The following PM20D2 variants were observed in gnomAD, a reference collection of about 807,000 sequenced individuals.
The protein encoded by PM20D2 is xaa-Arg dipeptidase.
In PM20D2, 33 loss-of-function variants were observed where a neutral mutation model predicts 42.9. The ratio of observed to expected loss-of-function variants is 0.77; its 90% CI spans 0.58 to 1.03. The LOEUF (loss-of-function observed/expected upper bound fraction) is 1.03, where lower values mean the gene tolerates loss of function less well. PM20D2 is among the 50% of genes least tolerant of loss of function. The probability of loss-of-function intolerance (pLI) is 0.00; values close to 1 mark genes in which losing one functional copy is unlikely to be tolerated. For synonymous variants in PM20D2, 250 were observed against 228.2 expected, an observed-to-expected ratio of 1.10 and a Z score of -0.86; for missense variants, 548 against 557.0, an observed-to-expected ratio of 0.98 and a Z score of 0.16.
At chr6:89,098,383 A>C in the PM20D2 span, 1 of 575,006 alleles carries the variant, frequency 1.7e-6, no homozygotes, top group Non-Finnish European at 2.8e-6. Context: ...TAGACAAATC[A>C]TAATTTGTAG....
chr6:89,106,972 C>T, the PM20D2 span: 1 of 655,240 alleles, frequency 1.5e-6, no homozygotes, highest in Admixed American at 2.1e-5. Context: ...TTCTAGCTAA[C>T]AGGTTGGTTC....
rs985274850 is a variant in PM20D2, at chr6:89,158,590, T to G, written c.1048+130T>G. The G allele has an allele frequency of 5.8e-6, 6 of 1,027,504 alleles. No individual in the cohort carries two copies. In the African/African-American group the frequency reaches 6.7e-5, roughly 11 times the overall value. The allele number at this position is 1,027,504 out of a possible 1,614,324, so 63.6% of individuals were successfully genotyped here. A position where few individuals can be genotyped will look rare whatever the true frequency, so the allele number is the denominator to read the frequency against. ...GACGTTTTTAATATTTTCACAAACTTTATGGTTAGGGGAAAGAAACTAATG... is the reference window on the plus strand; with the variant it reads ...GACGTTTTTAATATTTTCACAAACTGTATGGTTAGGGGAAAGAAACTAATG... On this transcript the variant is annotated intron_variant, in intron 5 of 6. Coordinates refer to ENST00000275072, the MANE Select transcript of PM20D2 (RefSeq NM_001010853.3).
chr6:89,136,006 G>A, the PM20D2 span, among the ~76,000 whole-genome samples: 1 of 151,292 alleles, frequency 6.6e-6, no homozygotes, highest in South Asian at 2.1e-4. Flanking sequence ...CGGATGCCAG[G>A]TAAGTTGCCA....
Position 89,154,750 on chromosome 6 carries a change from A to G in PM20D2, c.760A>G (p.Ile254Val). The part of the protein sequence containing the change: ...QMKPTWRVHG[I>V]IKNGGVKPNI... ...TAGTAATTTGGTTCTTTTTATAGGT[A>G]TAATAAAAAATGGTGGTGTAAAACC... The change falls in exon 4 of 7, where the codon ATA (isoleucine) becomes GTA (valine). Residue 254 changes from isoleucine (I) to valine (V), a missense_variant and splice_region_variant. By Grantham distance (29) the Ile-to-Val change is conservative. This residue lies in a region of PM20D2 where 470 missense variants were observed against 464.4 expected (regional missense o/e 1.01). Transcript: ENST00000275072. The G allele has an allele frequency of 1.1e-5, 17 of 1,524,648 alleles. No homozygotes were observed. The highest frequency in any genetic ancestry group is 1.4e-5 in the Non-Finnish European group (16 of 1,131,380). The allele number at this position is 1,524,648 out of a possible 1,614,324, so 94.4% of individuals were successfully genotyped here. A position where few individuals can be genotyped will look rare whatever the true frequency, so the allele number is the denominator to read the frequency against.
chr6:89,161,180 T>G (rs1771220884), intron 5 of PM20D2, among the ~76,000 whole-genome samples: 1 of 152,102 alleles, frequency 6.6e-6, no homozygotes, highest in Non-Finnish European at 1.5e-5. Flanking sequence ...GATCATGAGT[T>G]TGACTTTAGA....
the PM20D2 span, among the ~76,000 whole-genome samples, chr6:89,102,691 C>T: frequency 1.3e-5 from 2 of 152,174 alleles, no homozygotes; most frequent in Admixed American, 6.6e-5. Flanking sequence ...CTAACATACA[C>T]ATTCCTTGAT....
At chr6:89,117,739 C>T in the PM20D2 span, 1 of 1,365,530 alleles carries the variant, frequency 7.3e-7, no homozygotes, top group East Asian at 3.1e-5. Context: ...CCCCGAGCCT[C>T]CGCCGGGCCT....
chr6:89,150,481 C>G (rs1770791246), intron 2 of PM20D2, among the ~76,000 whole-genome samples: 1 of 151,578 alleles, frequency 6.6e-6, no homozygotes, highest in South Asian at 2.1e-4. Flanking sequence ...CGCACTTGAC[C>G]CCAGACCTTC....
At chr6:89,105,312 A>G in the PM20D2 span, 2 of 1,575,024 alleles carry the variant, frequency 1.3e-6, no homozygotes, top group East Asian at 4.5e-5. Flanking sequence ...TGAACACCAC[A>G]GTAACAACCA....
At chr6:89,121,354 C>T in the PM20D2 span, among the ~76,000 whole-genome samples, 1 of 152,058 alleles carries the variant, frequency 6.6e-6, no homozygotes, top group Non-Finnish European at 1.5e-5. Context: ...AAGGAGAGAA[C>T]ATCGTCGGGC....
chr6:89,115,900 G>C, the PM20D2 span, among the ~76,000 whole-genome samples: 1 of 152,104 alleles, frequency 6.6e-6, no homozygotes, highest in Non-Finnish European at 1.5e-5. Flanking sequence ...CTCCCAAAGT[G>C]CTGTGATTAC....
chr6:89,121,559 T>A, the PM20D2 span, among the ~76,000 whole-genome samples: 6 of 152,218 alleles, frequency 3.9e-5, no homozygotes, highest in African/African-American at 1.4e-4. Context: ...ATATTCATAT[T>A]TACCCTTTGT....
chr6:89,158,969 T>C (rs979038043), intron 5 of PM20D2, among the ~76,000 whole-genome samples: 2 of 152,150 alleles, frequency 1.3e-5, no homozygotes. Flanking sequence ...AAATAGATGT[T>C]GTTGAAGTAG....
Position 89,164,922 on chromosome 6 carries a change from T to TAAAAAAAAAAAA in PM20D2, c.*2668_*2679dup. On this transcript the variant is annotated 3_prime_UTR_variant, in exon 7 of 7. Transcript: ENST00000275072. ...TAAAATTGATGAGTTTCTGTGCCTG[T>TAAAAAAAAAAAA]AAAAAAAAAAAAAAAAAAAAGAAAA... The TAAAAAAAAAAAA allele has an allele frequency of 9.3e-6, 1 of 107,724 alleles. No homozygotes were observed. Among genetic ancestry groups the TAAAAAAAAAAAA allele is most frequent in the Non-Finnish European group, 1.9e-5 (1 of 52,024 alleles). The allele number at this position is 107,724 out of a possible 1,614,324, so 6.7% of individuals were successfully genotyped here. A position where few individuals can be genotyped will look rare whatever the true frequency, so the allele number is the denominator to read the frequency against.
chr6:89,118,096 C>T, the PM20D2 span: 709 of 159,364 alleles, frequency 4.4e-3, 2 homozygotes, highest in African/African-American at 0.016. Context: ...GGGGCGGGGG[C>T]GGCGCCGGCG....
intron 2 of PM20D2, among the ~76,000 whole-genome samples, chr6:89,150,737 A>C (rs1372581568): frequency 6.6e-5 from 10 of 150,944 alleles, no homozygotes; most frequent in Non-Finnish European, 1.0e-4. Flanking sequence ...ACAGGGTTTC[A>C]CCGTATTGGT....
chr6:89,153,776 A>AT (rs987227758), intron 3 of PM20D2, among the ~76,000 whole-genome samples: 2 of 151,904 alleles, frequency 1.3e-5, no homozygotes, highest in African/African-American at 2.4e-5. Context: ...TAATATTTGT[A>AT]TTTTTTGCAG....
the PM20D2 span, among the ~76,000 whole-genome samples, chr6:89,102,739 C>A: frequency 6.6e-6 from 1 of 151,094 alleles, no homozygotes; most frequent in Non-Finnish European, 1.5e-5. Flanking sequence ...CCTTTTTTTA[C>A]ATTTTAATAA....
chr6:89,119,275 A>G, the PM20D2 span, among the ~76,000 whole-genome samples: 1 of 152,202 alleles, frequency 6.6e-6, no homozygotes, highest in African/African-American at 2.4e-5. Flanking sequence ...GATACAAACT[A>G]TAATACAGGG....
Sources: gnomAD v4.1 joint callset for allele counts (sites outside exome capture counted in the v4.1 genomes callset) on GRCh38, gnomAD v4.1.1 for gene constraint, gnomAD v4.1.1 regional missense constraint, MANE v1.5 for transcripts, NCBI Gene and HGNC (gene_info 2026-07-23, HGNC 2026-07-21) for gene names.